CLCN6: variants seen among roughly 807,000 people sequenced by gnomAD.
The protein encoded by CLCN6 is Cl-/H+ antiporter 6, also known as H(+)/Cl(-) exchange transporter 6.
In CLCN6, 70 loss-of-function variants were observed where a neutral mutation model predicts 109.8. The ratio of observed to expected loss-of-function variants is 0.64; its 90% CI spans 0.53 to 0.78. The LOEUF is 0.78. CLCN6 is among the 30% of genes least tolerant of loss of function. The pLI, the probability that CLCN6 is intolerant of heterozygous loss-of-function variation, is 0.00. For missense variants in CLCN6, 984 were observed against 1,142.3 expected, an observed-to-expected ratio of 0.86 and a Z score of 2.00; for synonymous variants, 444 against 447.8, an observed-to-expected ratio of 0.99 and a Z score of 0.11.
intron 18 of CLCN6, 27 bp downstream of exon 18, chr1:11,836,180 G>T (rs770498027): frequency 2.1e-5 from 33 of 1,600,550 alleles, no homozygotes; most frequent in Non-Finnish European, 2.8e-5. Flanking sequence ...GAGAGGAAAG[G>T]CAGGTGAGAG....
chr1:11,812,132 G>A (rs1346561693), intron 2 of CLCN6, among the ~76,000 whole-genome samples: 3 of 152,118 alleles, frequency 2.0e-5, no homozygotes, highest in Non-Finnish European at 2.9e-5. Context: ...AAAGTAGTAG[G>A]TTGTCACCTG....
At chr1:11,815,690 C>T (rs1338141928) in intron 2 of CLCN6, among the ~76,000 whole-genome samples, 156 bp from the exon 3 acceptor site, 1 of 152,238 alleles carries the variant, frequency 6.6e-6, no homozygotes, top group African/African-American at 2.4e-5. Context: ...CCACCGCACC[C>T]AGCCAGATTC....
chr1:11,828,033 C>T, intron 10 of CLCN6, 73 bp from the exon 11 acceptor site: 1 of 1,108,740 alleles, frequency 9.0e-7, no homozygotes, highest in Non-Finnish European at 1.4e-6. Context: ...CAGTGGGTAC[C>T]AGGAGGAAGG....
At position 11,842,993 on chromosome 1, in the gene CLCN6, G is replaced by A. The variant is rs1199294481; in HGVS notation, c.*2770G>A. ...TTTTTTCTGTTTGCACTGTTTGTTT[G>A]TATGATGTTAGCTAATTCCACTGTG... On this transcript the variant is annotated 3_prime_UTR_variant, in exon 23 of 23. Transcript: ENST00000346436. 6.6e-6 allele frequency: 1 copy of A among 152,180 alleles called. No homozygotes were observed. The highest frequency in any genetic ancestry group is 6.5e-5 in the Admixed American group (1 of 15,282). The allele number at this position is 152,180 out of a possible 1,614,324, so 9.4% of individuals were successfully genotyped here.
At chr1:11,814,209 G>A (rs535126146) in intron 2 of CLCN6, among the ~76,000 whole-genome samples, 1 of 151,356 alleles carries the variant, frequency 6.6e-6, no homozygotes, top group South Asian at 2.1e-4. Flanking sequence ...AGAGCTGATG[G>A]CCGACCATTA....
In CLCN6 at chr1:11,838,818, C is replaced by T. The variant is rs749289340; in HGVS notation, c.2529+158C>T. 2.3e-5 allele frequency: 25 copies of T among 1,070,428 alleles called. No homozygotes were observed. The African/African-American group carries it at 3.6e-4, about 15-fold the overall frequency. 66.3% of individuals were successfully genotyped at this position (1,070,428 alleles called of 1,614,324 possible). A position where few individuals can be genotyped will look rare whatever the true frequency, so the allele number is the denominator to read the frequency against. On this transcript the variant is annotated intron_variant, in intron 22 of 22. Transcript: ENST00000346436. ...TTGAACCCTGCTCGGCTTCCGTGCA[C>T]TCGGGACCCTTTCCCCTGCCTGCCA...
intron 2 of CLCN6, among the ~76,000 whole-genome samples, chr1:11,807,574 C>A (rs1202363411): frequency 6.6e-6 from 1 of 152,164 alleles, no homozygotes. Context: ...GGAGAGCTTG[C>A]TTTTCAGATA....
intron 18 of CLCN6, among the ~76,000 whole-genome samples, chr1:11,836,737 G>T (rs976445215): frequency 6.6e-5 from 10 of 152,276 alleles, no homozygotes; most frequent in Admixed American, 1.3e-4. Context: ...ATCAAGACAG[G>T]ATGTAGGAGA....
rs1260267511 is a variant in CLCN6, at chr1:11,841,280, C to G, written c.*1057C>G. Reference sequence around the variant, plus strand: ...TGCCCTTCACAAACACCTCTCTCTCCCCTGCACTAGCTGTCCCAAGCTTAC... The same window carrying G: ...TGCCCTTCACAAACACCTCTCTCTCGCCTGCACTAGCTGTCCCAAGCTTAC... On this transcript the variant is annotated 3_prime_UTR_variant, in exon 23 of 23. Transcript: ENST00000346436. 1 of 152,660 alleles carries G rather than the reference C, an allele frequency of 6.6e-6. No individual in the cohort carries two copies. Among genetic ancestry groups the G allele is most frequent in the Non-Finnish European group, 1.5e-5 (1 of 68,040 alleles). The allele number at this position is 152,660 out of a possible 1,614,324, so 9.5% of individuals were successfully genotyped here.
At chr1:11,814,848 C>A (rs1013070857) in intron 2 of CLCN6, among the ~76,000 whole-genome samples, 10 of 151,746 alleles carry the variant, frequency 6.6e-5, no homozygotes, top group Admixed American at 5.9e-4. Context: ...CTGGCTAACA[C>A]GGTGAAATCC....
At chr1:11,817,611 G>T (rs898256044) in intron 4 of CLCN6, among the ~76,000 whole-genome samples, 6 of 152,184 alleles carry the variant, frequency 3.9e-5, no homozygotes, top group Admixed American at 1.3e-4. Flanking sequence ...GGAAAAATCA[G>T]CATCAGTCAA....
intron 18 of CLCN6, among the ~76,000 whole-genome samples, 198 bp downstream of exon 18, chr1:11,836,351 G>C (rs771795028): frequency 1.3e-5 from 2 of 152,166 alleles, no homozygotes; most frequent in Non-Finnish European, 2.9e-5. Context: ...ATGTGTGTGC[G>C]TTCTTGCCGC....
At chr1:11,810,730 T>C (rs1420939688) in intron 2 of CLCN6, among the ~76,000 whole-genome samples, 1 of 152,122 alleles carries the variant, frequency 6.6e-6, no homozygotes. Context: ...ATATATTCCA[T>C]TGGTACATAT....
intron 3 of CLCN6, 25 bp downstream of exon 3, chr1:11,815,936 T>G: frequency 1.3e-6 from 2 of 1,562,862 alleles, no homozygotes; most frequent in Non-Finnish European, 1.8e-6. Context: ...TCTTCATCTC[T>G]GGGGATCAAA....
chr1:11,808,258 T>C (rs1442342326), intron 2 of CLCN6, among the ~76,000 whole-genome samples: 1 of 142,142 alleles, frequency 7.0e-6, no homozygotes, highest in African/African-American at 2.6e-5. Flanking sequence ...TGTGTGTGTG[T>C]GTGTGTGTGT....
chr1:11,831,898 C>T (rs75545998), intron 13 of CLCN6, among the ~76,000 whole-genome samples: 5,641 of 152,258 alleles, frequency 0.037, 155 homozygotes, highest in Middle Eastern at 0.078. Flanking sequence ...TGGTCTCGAA[C>T]TTCTGGCCTA....
chr1:11,806,199 G>A lies in CLCN6; in HGVS notation c.-64G>A. ...GTGACCGTCCCGGGGCCAGTCACGT[G>A]AGGCGCAGATCCTGGCTGGGAGGGG... On this transcript the variant is annotated 5_prime_UTR_variant, in exon 1 of 23. Transcript: ENST00000346436. The A allele has an allele frequency of 7.4e-7, 1 of 1,353,308 alleles. No individual in the cohort carries two copies. Among genetic ancestry groups the A allele is most frequent in the Non-Finnish European group, 9.6e-7 (1 of 1,038,644 alleles). 83.8% of individuals were successfully genotyped at this position (1,353,308 alleles called of 1,614,324 possible).
intron 6 of CLCN6, among the ~76,000 whole-genome samples, 198 bp downstream of exon 6, chr1:11,822,999 G>C (rs1356589210): frequency 6.6e-6 from 1 of 152,122 alleles, no homozygotes; most frequent in Non-Finnish European, 1.5e-5. Flanking sequence ...CATTCACAGG[G>C]AACTTGTACA....
At chr1:11,820,322 TG>T (rs1212764212) in intron 5 of CLCN6, 1 of 711,252 alleles carries the variant, frequency 1.4e-6, no homozygotes, top group South Asian at 1.5e-5. Flanking sequence ...GTGATCCATA[TG>T]GAAAAATAGT....
Sources: gnomAD v4.1 joint callset for allele counts (sites outside exome capture counted in the v4.1 genomes callset) on GRCh38, gnomAD v4.1.1 for gene constraint, MANE v1.5 for transcripts, NCBI Gene and HGNC (gene_info 2026-07-23, HGNC 2026-07-21) for gene names.